Variants in FLNB observed in about 807,000 individuals in gnomAD.
FLNB encodes filamin-B.
A neutral mutation model predicts 250.6 loss-of-function variants in FLNB; 111 were observed. The observed-to-expected ratio is 0.44, with a 90% confidence interval of 0.38 to 0.52. The LOEUF (loss-of-function observed/expected upper bound fraction) is 0.52. Ranked by LOEUF, FLNB falls within the 20% of genes least tolerant of loss-of-function variation. The pLI is 0.00. For missense variants in FLNB, 2,869 were observed against 3,447.8 expected, an observed-to-expected ratio of 0.83 and a Z score of 4.20; for synonymous variants, 1,302 against 1,372.1, an observed-to-expected ratio of 0.95 and a Z score of 1.13.
At chr3:58,048,746 A>T (rs530208787) in intron 1 of FLNB, among the ~76,000 whole-genome samples, 1 of 152,248 alleles carries the variant, frequency 6.6e-6, no homozygotes, top group South Asian at 2.1e-4. Context: ...TGTTTTGGGA[A>T]AAATAATAGC....
intron 45 of FLNB, 161 bp from the exon 46 acceptor site, chr3:58,170,414 G>A (rs867439783): frequency 4.0e-5 from 27 of 678,910 alleles, no homozygotes; most frequent in Middle Eastern, 3.7e-4. Context: ...AACCCACACC[G>A]TCAGGCTCTA....
At chr3:58,053,560 A>C (rs914829793) in intron 1 of FLNB, among the ~76,000 whole-genome samples, 2 of 152,188 alleles carry the variant, frequency 1.3e-5, no homozygotes, top group Non-Finnish European at 2.9e-5. Context: ...TCCTGGGTTC[A>C]AGTGATTCTT....
intron 44 of FLNB, chr3:58,168,909 C>A: frequency 2.0e-6 from 1 of 502,652 alleles, no homozygotes; most frequent in Non-Finnish European, 3.6e-6. Context: ...GGAAAGAATA[C>A]ATATTGAAAT....
At chr3:58,060,287 C>T (rs1413704557) in intron 1 of FLNB, among the ~76,000 whole-genome samples, 1 of 150,442 alleles carries the variant, frequency 6.6e-6, no homozygotes, top group Non-Finnish European at 1.5e-5. Context: ...AAGGCAGAGG[C>T]GGGAGCATTG....
chr3:58,149,743 T>C (rs1334458881), intron 36 of FLNB, 107 bp from the exon 37 acceptor site: 45 of 1,419,934 alleles, frequency 3.2e-5, no homozygotes, highest in Non-Finnish European at 4.1e-5. Context: ...CTTTCTGCTA[T>C]GTAGAAATAG....
chr3:58,152,812 C>T, intron 38 of FLNB: 1 of 1,200,370 alleles, frequency 8.3e-7, no homozygotes, highest in Non-Finnish European at 1.1e-6. Context: ...CATGCGGCCG[C>T]CTGGCCTCAC....
At chr3:58,104,109 T>A in intron 10 of FLNB, 24 bp downstream of exon 10, 5 of 1,612,496 alleles carry the variant, frequency 3.1e-6, no homozygotes, top group Non-Finnish European at 4.2e-6. Context: ...TGCAGAGGGG[T>A]CTTCTCTGGA....
intron 1 of FLNB, among the ~76,000 whole-genome samples, chr3:58,025,133 C>CTTTTTTT (rs57706596): frequency 2.2e-4 from 26 of 116,546 alleles, no homozygotes; most frequent in Middle Eastern, 4.6e-3. Context: ...TTCTTTCTTT[C>CTTTTTTT]TTTTTTTTTT....
Position 58,142,022 on chromosome 3 carries a change from C to G in FLNB, c.5181+93C>G, listed in dbSNP as rs2097327977. 4.7e-6 allele frequency: 5 copies of G among 1,054,114 alleles called. No individual in the cohort carries two copies. Among genetic ancestry groups the G allele is most frequent in the East Asian group, 4.8e-5 (2 of 41,596 alleles). 65.3% of individuals were successfully genotyped at this position (1,054,114 alleles called of 1,614,324 possible). ...ATCTGCTTCTGGGATTGCTTAAGCC[C>G]TGTGGGTGTCCTGGTCATTGGTGTG... On this transcript the variant is annotated intron_variant, in intron 30 of 45. Coordinates refer to ENST00000295956, the MANE Select transcript of FLNB (RefSeq NM_001457.4). The surrounding 1 kb of genome is among the most constrained non-coding windows in gnomAD (Gnocchi z 4.3).
At chr3:58,149,641 A>G in intron 36 of FLNB, 1 of 614,648 alleles carries the variant, frequency 1.6e-6, no homozygotes, top group Non-Finnish European at 2.9e-6. Context: ...GGTCAAAACC[A>G]GGTTCAGCAG....
At chr3:58,011,516 AG>A (rs2097098916) in intron 1 of FLNB, among the ~76,000 whole-genome samples, 1 of 152,154 alleles carries the variant, frequency 6.6e-6, no homozygotes, top group African/African-American at 2.4e-5. Context: ...GAGACCACAG[AG>A]AGCCCTGGCA....
chr3:58,154,209 G>A (rs1281348214), intron 39 of FLNB, among the ~76,000 whole-genome samples: 2 of 152,154 alleles, frequency 1.3e-5, no homozygotes, highest in Non-Finnish European at 2.9e-5. Flanking sequence ...CTCCTAAAGT[G>A]CTGGGATTAT....
chr3:58,124,300 GT>G (rs760642253), intron 21 of FLNB, 31 bp from the exon 22 acceptor site: 17 of 1,613,546 alleles, frequency 1.1e-5, no homozygotes, highest in Non-Finnish European at 1.4e-5. Context: ...TGGGGTACTG[GT>G]GGCAGTGTTA....
At chr3:58,097,209 C>G (rs1015130464) in intron 6 of FLNB, among the ~76,000 whole-genome samples, 1 of 152,174 alleles carries the variant, frequency 6.6e-6, no homozygotes, top group South Asian at 2.1e-4. Flanking sequence ...ATGGCCTTAG[C>G]GTTCTCTTAG....
intron 1 of FLNB, among the ~76,000 whole-genome samples, chr3:58,032,165 G>A (rs774829380): frequency 1.3e-5 from 2 of 151,876 alleles, no homozygotes; most frequent in Non-Finnish European, 2.9e-5. Flanking sequence ...GAACTCCTGA[G>A]CTCAAGCAAT....
chr3:58,129,597 CCTGGATGCCGTTGAAACCCAG>C (rs1301420069), intron 24 of FLNB, among the ~76,000 whole-genome samples: 27 of 152,320 alleles, frequency 1.8e-4, no homozygotes, highest in African/African-American at 6.3e-4. Context: ...TAGCTAAAGA[CCTGGATGCCGTTGAAACCCAG>C]CTGTTGTTAG....
intron 32 of FLNB, among the ~76,000 whole-genome samples, chr3:58,143,877 GC>G: frequency 6.6e-6 from 1 of 152,306 alleles, no homozygotes; most frequent in Non-Finnish European, 1.5e-5. Flanking sequence ...GCTGAGTGTG[GC>G]CAGAGGTCAA....
chr3:58,112,778 A>G (rs2107133093), intron 18 of FLNB, among the ~76,000 whole-genome samples: 1 of 152,304 alleles, frequency 6.6e-6, no homozygotes, highest in South Asian at 2.1e-4. Flanking sequence ...TGGTCCTTTT[A>G]GCTTAGTTTA....
At chr3:58,085,021 A>G (rs939347631) in intron 4 of FLNB, among the ~76,000 whole-genome samples, 1 of 152,160 alleles carries the variant, frequency 6.6e-6, no homozygotes, top group African/African-American at 2.4e-5. Flanking sequence ...TTCCTTTTTA[A>G]GGCTGAATAA....
Sources: gnomAD v4.1 joint callset for allele counts (sites outside exome capture counted in the v4.1 genomes callset) on GRCh38, gnomAD v4.1.1 for gene constraint, Gnocchi (gnomAD v3.1) non-coding constraint, MANE v1.5 for transcripts, NCBI Gene and HGNC (gene_info 2026-07-23, HGNC 2026-07-21) for gene names.